ZNF516: variants seen among roughly 807,000 people sequenced by gnomAD.
The protein encoded by ZNF516 is zinc finger protein 516.
Under a neutral mutation model 79.7 loss-of-function variants are expected in ZNF516, and 19 were observed. The ratio of observed to expected loss-of-function variants is 0.24; its 90% CI spans 0.17 to 0.35. The LOEUF is 0.35. Among genes scored for constraint, ZNF516 ranks in the 10% least tolerant of loss-of-function variants. The probability of loss-of-function intolerance (pLI) is 1.00; values close to 1 mark genes in which losing one functional copy is unlikely to be tolerated. For synonymous variants in ZNF516, 877 were observed against 739.5 expected (o/e 1.19, Z -3.02); for missense variants, 1,678 against 1,679.5 (o/e 1.00, Z 0.02).
At chr18:76,366,553 G>GA (rs1326423918) in intron 6 of ZNF516, among the ~76,000 whole-genome samples, 26 of 152,200 alleles carry the variant, frequency 1.7e-4, no homozygotes, top group Admixed American at 1.7e-3. Context: ...ACCAAGTAAA[G>GA]AAAACATGCC....
chr18:76,409,076 A>G (rs2075339412), intron 3 of ZNF516, among the ~76,000 whole-genome samples: 1 of 152,256 alleles, frequency 6.6e-6, no homozygotes, highest in African/African-American at 2.4e-5. Context: ...ATAACTAGAC[A>G]TAATCATTTA....
chr18:76,493,265 T>C lies in ZNF516; in HGVS notation c.-272+1879A>G. ...CTTCCACAAAGGATGGAAAGGGAAATTCACGAAGGGAGTGGAGGCGGAAAG... is the reference window on the plus strand; with the variant it reads ...CTTCCACAAAGGATGGAAAGGGAAACTCACGAAGGGAGTGGAGGCGGAAAG... On this transcript the variant is annotated intron_variant, in intron 1 of 6. Coordinates refer to ENST00000443185, the MANE Select transcript of ZNF516 (RefSeq NM_014643.4). The surrounding 1 kb of genome is among the most constrained non-coding windows in gnomAD (Gnocchi z 5.2). 2 of 865,400 alleles carry C rather than the reference T, an allele frequency of 2.3e-6. No homozygotes were observed. Among genetic ancestry groups the C allele is most frequent in the Non-Finnish European group, 2.7e-6 (2 of 734,568 alleles). The allele number at this position is 865,400 out of a possible 1,614,324, so 53.6% of individuals were successfully genotyped here. A position where few individuals can be genotyped will look rare whatever the true frequency, so the allele number is the denominator to read the frequency against.
intron 4 of ZNF516, chr18:76,378,345 C>T (rs1246226457): frequency 6.6e-6 from 1 of 152,520 alleles, no homozygotes; most frequent in Non-Finnish European, 1.5e-5. Flanking sequence ...CGATCCTCTG[C>T]AAAGCTTTGC....
In ZNF516 at chr18:76,362,396, C is replaced by G; in HGVS notation, c.*102G>C. ...TCTGCTCAGGAGTTCCCCGGCTGTT[C>G]TTCCATGGAGCGGCCAGGTCACAGG... is the stretch of plus-strand genomic sequence containing the variant. On this transcript the variant is annotated 3_prime_UTR_variant, in exon 7 of 7. Transcript: ENST00000443185. The G allele has an allele frequency of 8.4e-7, 1 of 1,192,880 alleles. No homozygotes were observed. The highest frequency in any genetic ancestry group is 1.5e-5 in the African/African-American group (1 of 66,404). The allele number at this position is 1,192,880 out of a possible 1,614,324, so 73.9% of individuals were successfully genotyped here. A position where few individuals can be genotyped will look rare whatever the true frequency, so the allele number is the denominator to read the frequency against.
At chr18:76,367,424 G>A (rs757921781) in intron 6 of ZNF516, among the ~76,000 whole-genome samples, 61 of 152,170 alleles carry the variant, frequency 4.0e-4, no homozygotes, top group Admixed American at 8.5e-4. Context: ...CCTGCCTAGG[G>A]CTCTCTATCC....
At chr18:76,481,637 G>T (rs1914528003) in intron 1 of ZNF516, among the ~76,000 whole-genome samples, 1 of 152,182 alleles carries the variant, frequency 6.6e-6, no homozygotes, top group African/African-American at 2.4e-5. Flanking sequence ...GGGAATTACT[G>T]CCTGTTTCCT....
At chr18:76,365,388 T>C (rs1211709105) in intron 6 of ZNF516, among the ~76,000 whole-genome samples, 1 of 152,226 alleles carries the variant, frequency 6.6e-6, no homozygotes, top group Non-Finnish European at 1.5e-5. Context: ...AAAATCATTT[T>C]AATTTCTAAT....
rs1461939880 is a variant in ZNF516, at chr18:76,441,971, C to T, written c.1084G>A (p.Ala362Thr). The T allele has an allele frequency of 2.5e-6, 4 of 1,612,620 alleles. No individual in the cohort carries two copies. The highest frequency in any genetic ancestry group is 3.4e-6 in the Non-Finnish European group (4 of 1,179,754). The stretch of plus-strand genomic sequence containing the variant: ...TCGGCCGGGGCGCGCGTGCGGCTGG[C>T]CTCGACTCTGCGGTGGATGGCATTG... ...AHNAIHRRVE[A>T]SRTRAPAEEG... The change falls in exon 3 of 7, where the codon GCC (alanine) becomes ACC (threonine). Residue 362 changes from alanine (A) to threonine (T), a missense_variant. Transcript: ENST00000443185.
At chr18:76,485,865 CT>C (rs1914798550) in intron 1 of ZNF516, among the ~76,000 whole-genome samples, 1 of 127,274 alleles carries the variant, frequency 7.9e-6, no homozygotes. Context: ...TAACTCATTT[CT>C]TTAAAAAAAA....
chr18:76,452,455 T>A (rs1027820039), intron 2 of ZNF516, among the ~76,000 whole-genome samples: 7 of 152,226 alleles, frequency 4.6e-5, no homozygotes, highest in African/African-American at 1.4e-4. Flanking sequence ...GTACGCGAAC[T>A]CTGATCCTTT....
In ZNF516 at chr18:76,370,572, G is replaced by T; in HGVS notation, c.3388C>A (p.Arg1130=). 6.2e-7 allele frequency: 1 copy of T among 1,605,984 alleles called. No homozygotes were observed. The highest frequency in any genetic ancestry group is 8.5e-7 in the Non-Finnish European group (1 of 1,175,972). Residue 1130 remains arginine, a synonymous_variant, in exon 6 of 7, where the codon CGG becomes AGG. Transcript: ENST00000443185. ...HSVVFESDGP[R]GSEVHTTSAD... is the part of the protein sequence containing the mutation. ...GAGGTGGTATGAACTTCAGAACCCCGAGGCCCATCGGACTCAAACACCACT... is the reference window on the plus strand; with the variant it reads ...GAGGTGGTATGAACTTCAGAACCCCTAGGCCCATCGGACTCAAACACCACT...
intron 2 of ZNF516, among the ~76,000 whole-genome samples, chr18:76,449,379 C>T (rs1912259411): frequency 6.6e-6 from 1 of 152,228 alleles, no homozygotes; most frequent in Admixed American, 6.5e-5. Flanking sequence ...GTCCCTGCCC[C>T]ACCTGTCATG....
intron 1 of ZNF516, among the ~76,000 whole-genome samples, chr18:76,469,699 A>G (rs1254381349): frequency 2.6e-5 from 4 of 152,222 alleles, no homozygotes; most frequent in Non-Finnish European, 5.9e-5. Context: ...CTTCCGTTAG[A>G]AAGTCCTGGA....
At position 76,440,762 on chromosome 18, in the gene ZNF516, G is replaced by GCA. The variant is rs2075806225; in HGVS notation, c.1810+482_1810+483insTG. ...TGTGTTTGTGTGTGTGTGTGTGTGT[G>GCA]CGCGCACGCGCGCATGCATCGTATG... On this transcript the variant is annotated intron_variant, in intron 3 of 6. Coordinates refer to ENST00000443185, the MANE Select transcript of ZNF516 (RefSeq NM_014643.4). Among the ~76,000 whole-genome samples the GCA allele has an allele frequency of 1.0e-4, 12 of 120,204 alleles. 1 individual carries two copies. Among genetic ancestry groups the GCA allele is most frequent in the South Asian group, 7.1e-4 (3 of 4,208 alleles). 78.9% of individuals were successfully genotyped at this position (120,204 alleles called of 152,430 possible). A position where few individuals can be genotyped will look rare whatever the true frequency, so the allele number is the denominator to read the frequency against.
chr18:76,430,910 A>T (rs2075652469), intron 3 of ZNF516, among the ~76,000 whole-genome samples: 1 of 152,228 alleles, frequency 6.6e-6, no homozygotes. Context: ...GCAGGAGACA[A>T]GGCCTCCTGT....
At chr18:76,397,099 G>A (rs968341208) in intron 3 of ZNF516, among the ~76,000 whole-genome samples, 3 of 152,320 alleles carry the variant, frequency 2.0e-5, no homozygotes, top group Admixed American at 6.5e-5. Flanking sequence ...ACGCAGTTCA[G>A]AAGCAGGTGC....
intron 1 of ZNF516, chr18:76,490,692 A>G (rs544122417): frequency 1.2e-6 from 1 of 846,538 alleles, no homozygotes; most frequent in Non-Finnish European, 1.4e-6. Context: ...TTCAATCAAG[A>G]TTCGAAACTG....
intron 1 of ZNF516, among the ~76,000 whole-genome samples, chr18:76,486,622 G>C (rs1213285789): frequency 6.6e-6 from 1 of 151,346 alleles, no homozygotes; most frequent in African/African-American, 2.4e-5. Flanking sequence ...CTGTATCCTG[G>C]AGGCTGAGCC....
At chr18:76,407,294 G>A (rs1038883509) in intron 3 of ZNF516, among the ~76,000 whole-genome samples, 1 of 152,164 alleles carries the variant, frequency 6.6e-6, no homozygotes, top group Non-Finnish European at 1.5e-5. Flanking sequence ...GCATGGTGGT[G>A]TGCACCTGTT....
Sources: gnomAD v4.1 joint callset for allele counts (sites outside exome capture counted in the v4.1 genomes callset) on GRCh38, gnomAD v4.1.1 for gene constraint, Gnocchi (gnomAD v3.1) non-coding constraint, MANE v1.5 for transcripts, NCBI Gene and HGNC (gene_info 2026-07-23, HGNC 2026-07-21) for gene names.